The following STARD13 variants were observed in gnomAD, a reference collection of about 807,000 sequenced individuals.
STARD13 encodes the protein StAR related lipid transfer domain containing 13.
Under a neutral mutation model 106.4 loss-of-function variants are expected in STARD13, and 62 were observed. The observed-to-expected ratio is 0.58, with a 90% CI of 0.48 to 0.72. The LOEUF (loss-of-function observed/expected upper bound fraction) is 0.72. STARD13 is among the 30% of genes least tolerant of loss of function. The pLI is 0.00. For missense variants in STARD13, 1,387 were observed against 1,424.0 expected (o/e 0.97, Z 0.42); for synonymous variants, 565 against 553.0 (o/e 1.02, Z -0.31).
chr13:33,375,134 A>T, the STARD13 span, among the ~76,000 whole-genome samples: 1 of 152,180 alleles, frequency 6.6e-6, no homozygotes, highest in African/African-American at 2.4e-5. Context: ...TCCAGCAGCC[A>T]TGTGTAGGTG....
chr13:33,544,949 T>TTTA, the STARD13 span, among the ~76,000 whole-genome samples: 84 of 150,924 alleles, frequency 5.6e-4, no homozygotes, highest in African/African-American at 1.9e-3. Context: ...AATTTTTTTG[T>TTTA]TTTATTTATT....
intron 1 of STARD13, among the ~76,000 whole-genome samples, chr13:33,227,479 G>C (rs1888687233): frequency 6.6e-6 from 1 of 152,172 alleles, no homozygotes; most frequent in Admixed American, 6.5e-5. Context: ...TTAGGGAAAA[G>C]AGACAGTCAT....
chr13:33,666,811 C>T, the STARD13 span, among the ~76,000 whole-genome samples: 5 of 152,084 alleles, frequency 3.3e-5, no homozygotes, highest in African/African-American at 4.8e-5. Context: ...AGGCTGGTCT[C>T]GAACCCCTGA....
the STARD13 span, among the ~76,000 whole-genome samples, chr13:33,363,904 C>T: frequency 3.3e-5 from 5 of 152,216 alleles, no homozygotes; most frequent in East Asian, 5.8e-4. Flanking sequence ...TATGCCTATG[C>T]GTTACCCTTC....
chr13:33,361,076 A>T, the STARD13 span, among the ~76,000 whole-genome samples: 1 of 148,442 alleles, frequency 6.7e-6, no homozygotes, highest in Non-Finnish European at 1.5e-5. Context: ...AAGTGCCGGG[A>T]TTACAGGCGT....
the STARD13 span, among the ~76,000 whole-genome samples, chr13:33,470,408 G>A: frequency 2.6e-5 from 4 of 152,146 alleles, no homozygotes; most frequent in African/African-American, 9.7e-5. Context: ...CTTTATAGTA[G>A]AATGATTTAT....
At chr13:33,543,601 C>T in the STARD13 span, among the ~76,000 whole-genome samples, 8 of 152,098 alleles carry the variant, frequency 5.3e-5, no homozygotes, top group African/African-American at 1.9e-4. Context: ...GTTTAGATAG[C>T]ACATGTTAAC....
At chr13:33,461,047 C>T in the STARD13 span, among the ~76,000 whole-genome samples, 41 of 152,102 alleles carry the variant, frequency 2.7e-4, no homozygotes, top group Admixed American at 2.0e-3. Context: ...ACTAGTGTTC[C>T]GTGACAGAAA....
chr13:33,485,936 T>G, the STARD13 span, among the ~76,000 whole-genome samples: 2 of 152,158 alleles, frequency 1.3e-5, no homozygotes, highest in Non-Finnish European at 2.9e-5. Context: ...TGTACTTTGG[T>G]GAATTGAAGA....
the STARD13 span, among the ~76,000 whole-genome samples, chr13:33,360,202 G>A: frequency 6.6e-4 from 94 of 141,872 alleles, 1 homozygote; most frequent in African/African-American, 2.1e-3. Context: ...TTCAAAGGCA[G>A]TCGATTTTTT....
At chr13:33,656,943 C>G in the STARD13 span, 1 of 152,194 alleles carries the variant, frequency 6.6e-6, no homozygotes, top group African/African-American at 2.4e-5. Context: ...ATGTCCACCA[C>G]TGGAGTGATA....
At chr13:33,429,987 G>C in the STARD13 span, among the ~76,000 whole-genome samples, 1 of 151,140 alleles carries the variant, frequency 6.6e-6, no homozygotes, top group Non-Finnish European at 1.5e-5. Flanking sequence ...GCGCGATCTC[G>C]GCTCACTGCA....
chr13:33,246,741 G>C (rs1889841241), intron 1 of STARD13, among the ~76,000 whole-genome samples: 2 of 151,710 alleles, frequency 1.3e-5, no homozygotes, highest in Non-Finnish European at 2.9e-5. Context: ...AGAGAGGAGA[G>C]AATAAAACAC....
At chr13:33,238,525 G>C (rs1322826151) in intron 1 of STARD13, among the ~76,000 whole-genome samples, 1 of 152,130 alleles carries the variant, frequency 6.6e-6, no homozygotes, top group Non-Finnish European at 1.5e-5. Flanking sequence ...GTAAGAAACA[G>C]ACTAGTGATT....
chr13:33,473,372 T>G, the STARD13 span, among the ~76,000 whole-genome samples: 2 of 152,220 alleles, frequency 1.3e-5, no homozygotes, highest in Non-Finnish European at 2.9e-5. Flanking sequence ...AGCTAGTAAG[T>G]GTCAGAAATC....
intron 1 of STARD13, among the ~76,000 whole-genome samples, chr13:33,282,306 G>A (rs1304040472): frequency 1.3e-5 from 2 of 152,124 alleles, no homozygotes; most frequent in African/African-American, 2.4e-5. Flanking sequence ...CTAAAAAACA[G>A]GCTAGAGAAA....
chr13:33,434,884 GGGAAGGAA>G, the STARD13 span, among the ~76,000 whole-genome samples: 2,317 of 122,312 alleles, frequency 0.019, 77 homozygotes, highest in African/African-American at 0.063. Context: ...AAGGAAGGGA[GGGAAGGAA>G]AGAAGGAAGG....
At chr13:33,187,483 A>C (rs1453149366) in intron 1 of STARD13, among the ~76,000 whole-genome samples, 2 of 152,176 alleles carry the variant, frequency 1.3e-5, no homozygotes, top group African/African-American at 4.8e-5. Context: ...GATTGGGCAA[A>C]CCTGAGACCT....
At chr13:33,219,521 A>T (rs1405338180) in intron 1 of STARD13, among the ~76,000 whole-genome samples, 20 of 37,106 alleles carry the variant, frequency 5.4e-4, no homozygotes, top group Non-Finnish European at 8.9e-4. Context: ...TCCTTCTCAA[A>T]AAAAAAAAAA....
Sources: gnomAD v4.1 joint callset for allele counts (sites outside exome capture counted in the v4.1 genomes callset) on GRCh38, gnomAD v4.1.1 for gene constraint, MANE v1.5 for transcripts, NCBI Gene and HGNC (gene_info 2026-07-23, HGNC 2026-07-21) for gene names.